CDH13: variants seen among roughly 807,000 people sequenced by gnomAD.
CDH13 encodes the protein cadherin-13.
Under a neutral mutation model 63.8 loss-of-function variants are expected in CDH13, and 24 were observed. The observed-to-expected ratio is 0.38, with a 90% CI of 0.27 to 0.53. The LOEUF (loss-of-function observed/expected upper bound fraction) is 0.53. Among genes scored for constraint, CDH13 ranks in the 20% least tolerant of loss-of-function variants. The pLI is 0.85. For missense variants in CDH13, 1,049 were observed against 903.1 expected (o/e 1.16, Z -2.07); for synonymous variants, 503 against 355.3 (o/e 1.42, Z -4.67).
intron 1 of CDH13, among the ~76,000 whole-genome samples, chr16:82,689,840 G>T (rs2150973821): frequency 1.3e-5 from 2 of 151,874 alleles, no homozygotes; most frequent in South Asian, 4.2e-4. Flanking sequence ...CCAGTAAGTT[G>T]TGCCTGATTA....
intron 1 of CDH13, among the ~76,000 whole-genome samples, chr16:82,835,376 G>C (rs997012822): frequency 6.6e-6 from 1 of 152,112 alleles, no homozygotes; most frequent in African/African-American, 2.4e-5. Context: ...CCTTTTTAAG[G>C]TCACATAGCA....
chr16:82,645,148 A>G (rs1909940021), intron 1 of CDH13, among the ~76,000 whole-genome samples: 1 of 152,138 alleles, frequency 6.6e-6, no homozygotes, highest in East Asian at 1.9e-4. Context: ...AGGATGCCAT[A>G]TCTCAGAGTA....
At chr16:83,699,601 C>T (rs1313487909) in intron 10 of CDH13, among the ~76,000 whole-genome samples, 1 of 152,148 alleles carries the variant, frequency 6.6e-6, no homozygotes, top group Non-Finnish European at 1.5e-5. Flanking sequence ...TCGCCCTTCT[C>T]CCCAGTCCTC....
chr16:82,796,854 A>G (rs1292590840), intron 1 of CDH13, among the ~76,000 whole-genome samples: 1 of 152,316 alleles, frequency 6.6e-6, no homozygotes, highest in South Asian at 2.1e-4. Context: ...GCCACAGTGT[A>G]TTTCAGTGTT....
intron 1 of CDH13, among the ~76,000 whole-genome samples, chr16:82,787,850 G>GTGTGTGTGTGTGTGTGTGTGTGTT (rs1030473370): frequency 8.5e-5 from 13 of 152,140 alleles, no homozygotes; most frequent in African/African-American, 3.1e-4. Flanking sequence ...AAGTGTGTGT[G>GTGTGTGTGTGTGTGTGTGTGTGTT]TGATCTCAAA....
chr16:83,397,436 C>G (rs1252630520), intron 6 of CDH13: 1 of 152,182 alleles, frequency 6.6e-6, no homozygotes, highest in South Asian at 2.1e-4. Context: ...AGGTGACCAT[C>G]CCTCTGCTCT....
chr16:82,870,473 C>G (rs2040305616), intron 2 of CDH13, among the ~76,000 whole-genome samples: 3 of 152,046 alleles, frequency 2.0e-5, no homozygotes, highest in African/African-American at 4.8e-5. Context: ...GGATATATAT[C>G]TAAAAGAAAG....
intron 5 of CDH13, among the ~76,000 whole-genome samples, chr16:83,314,014 C>G (rs1336312805): frequency 6.6e-6 from 1 of 152,182 alleles, no homozygotes; most frequent in Non-Finnish European, 1.5e-5. Context: ...ATGATCAAGA[C>G]ATTGTTGTTC....
At chr16:83,059,793 G>GTTTTTT (rs66521965) in intron 3 of CDH13, among the ~76,000 whole-genome samples, 18 of 113,068 alleles carry the variant, frequency 1.6e-4, no homozygotes, top group African/African-American at 2.9e-4. Context: ...TTTTTTGTTT[G>GTTTTTT]TTTTTTTTTT....
chr16:82,902,748 A>G (rs7200225), intron 2 of CDH13, among the ~76,000 whole-genome samples: 5 of 151,946 alleles, frequency 3.3e-5, no homozygotes, highest in East Asian at 1.9e-4. Context: ...GATTTCCCCA[A>G]CGAAACCTAC....
intron 13 of CDH13, among the ~76,000 whole-genome samples, chr16:83,789,343 T>G (rs565229621): frequency 2.7e-5 from 4 of 147,028 alleles, no homozygotes; most frequent in South Asian, 4.3e-4. Flanking sequence ...CTTTCTTTTT[T>G]TTTGTTTGTC....
intron 10 of CDH13, among the ~76,000 whole-genome samples, chr16:83,744,086 T>C (rs1567566898): frequency 6.6e-6 from 1 of 152,070 alleles, no homozygotes; most frequent in African/African-American, 2.4e-5. Context: ...GTCACAAAAA[T>C]AAATGTAGTG....
At chr16:82,677,711 A>AT (rs956149809) in intron 1 of CDH13, among the ~76,000 whole-genome samples, 1 of 152,110 alleles carries the variant, frequency 6.6e-6, no homozygotes, top group African/African-American at 2.4e-5. Context: ...ACTGACAGAT[A>AT]TTTTTTAAAG....
rs1235086025 is a variant in CDH13 at position 82,644,348 on chromosome 16, C to T, written c.45+17211C>T. On this transcript the variant is annotated intron_variant, in intron 1 of 13. Coordinates refer to ENST00000567109, the MANE Select transcript of CDH13 (RefSeq NM_001257.5). This position sits in a 1 kb window ranked among gnomAD's most constrained non-coding sequence, Gnocchi z 5.7. The stretch of plus-strand genomic sequence containing the variant: ...CTCCCACCCCTGCCTTCTGCGTCTC[C>T]CTCTGTGCTCTCCATCACCCCCCTA... 2.0e-5 allele frequency among the ~76,000 whole-genome samples: 3 copies of T among 152,120 alleles called. No individual in the cohort carries two copies. The highest frequency in any genetic ancestry group is 6.5e-5 in the Admixed American group (1 of 15,276).
intron 5 of CDH13, among the ~76,000 whole-genome samples, chr16:83,274,132 C>G (rs1483478330): frequency 6.6e-6 from 1 of 152,224 alleles, no homozygotes; most frequent in Non-Finnish European, 1.5e-5. Context: ...CATCCCAACA[C>G]CAAGGTCCCT....
At chr16:83,064,162 A>C (rs2031809325) in intron 3 of CDH13, among the ~76,000 whole-genome samples, 1 of 152,274 alleles carries the variant, frequency 6.6e-6, no homozygotes, top group Non-Finnish European at 1.5e-5. Flanking sequence ...TGAGGTCAGG[A>C]GCTCAAGAAC....
intron 2 of CDH13, among the ~76,000 whole-genome samples, chr16:82,866,353 C>G (rs181213765): frequency 2.4e-5 from 3 of 125,258 alleles, no homozygotes; most frequent in East Asian, 5.0e-4. Flanking sequence ...CTGTATTAGT[C>G]TGTTTTCTTT....
intron 10 of CDH13, among the ~76,000 whole-genome samples, chr16:83,743,371 G>A (rs941838694): frequency 1.3e-5 from 2 of 152,122 alleles, no homozygotes; most frequent in Admixed American, 6.5e-5. Flanking sequence ...TGGAAATGTG[G>A]CGCAGGCAGG....
chr16:82,801,302 A>G (rs1827826433), intron 1 of CDH13, among the ~76,000 whole-genome samples: 1 of 152,162 alleles, frequency 6.6e-6, no homozygotes, highest in Non-Finnish European at 1.5e-5. Context: ...GATTCCACGA[A>G]TCATTGTCCC....
Sources: allele counts gnomAD v4.1 joint callset (sites outside exome capture counted in the v4.1 genomes callset), GRCh38; gene constraint gnomAD v4.1.1; non-coding constraint Gnocchi (gnomAD v3.1); transcripts MANE v1.5; gene names NCBI Gene and HGNC (gene_info 2026-07-23, HGNC 2026-07-21).